Variants in ABHD3 observed in about 807,000 individuals in gnomAD.
The protein encoded by ABHD3 is phospholipase ABHD3.
A neutral mutation model predicts 48.8 loss-of-function variants in ABHD3; 46 were observed. The observed-to-expected ratio is 0.94, with a 90% CI of 0.74 to 1.20. The LOEUF (loss-of-function observed/expected upper bound fraction) is 1.20. ABHD3 is among the 50% of genes most tolerant of loss of function. The probability of loss-of-function intolerance (pLI) is 0.00; values close to 1 mark genes in which losing one functional copy is unlikely to be tolerated. For synonymous variants in ABHD3, 192 were observed against 183.7 expected, an observed-to-expected ratio of 1.04 and a Z score of -0.36; for missense variants, 490 against 497.8, an observed-to-expected ratio of 0.98 and a Z score of 0.15.
intron 3 of ABHD3, among the ~76,000 whole-genome samples, chr18:21,698,103 C>G (rs1287920253): frequency 6.6e-6 from 1 of 152,124 alleles, no homozygotes; most frequent in Non-Finnish European, 1.5e-5. Context: ...ATGGTAACAT[C>G]TATATACTCC....
At chr18:21,699,897 C>T (rs997265836) in intron 3 of ABHD3, among the ~76,000 whole-genome samples, 3 of 152,004 alleles carry the variant, frequency 2.0e-5, no homozygotes, top group Non-Finnish European at 2.9e-5. Context: ...AGGCTAGTCT[C>T]GAACTCCTGA....
intron 4 of ABHD3, among the ~76,000 whole-genome samples, chr18:21,681,386 C>T (rs887683079): frequency 3.9e-5 from 6 of 152,104 alleles, no homozygotes; most frequent in Non-Finnish European, 7.3e-5. Context: ...TCCCACAATA[C>T]GACTAATACT....
chr18:21,685,859 G>A (rs1487296617), intron 3 of ABHD3, among the ~76,000 whole-genome samples: 3 of 152,168 alleles, frequency 2.0e-5, no homozygotes, highest in Non-Finnish European at 4.4e-5. Flanking sequence ...CACCACGCCC[G>A]GCTAATTTTT....
chr18:21,687,202 G>C (rs1020654970), intron 3 of ABHD3, among the ~76,000 whole-genome samples: 1 of 151,756 alleles, frequency 6.6e-6, no homozygotes, highest in Non-Finnish European at 1.5e-5. Flanking sequence ...GAGCCACTGT[G>C]CCCAGCCTGT....
chr18:21,701,991 C>A, intron 3 of ABHD3: 1 of 176,566 alleles, frequency 5.7e-6, no homozygotes, highest in South Asian at 1.5e-4. Context: ...TCTGTAATTG[C>A]TGTTCTCCCT....
intron 4 of ABHD3, among the ~76,000 whole-genome samples, chr18:21,669,843 G>A (rs1042897227): frequency 6.6e-6 from 1 of 152,204 alleles, no homozygotes. Context: ...AACTCCTCTC[G>A]AGTACAGGGC....
chr18:21,682,236 T>C (rs1186067484), intron 4 of ABHD3: 1 of 152,262 alleles, frequency 6.6e-6, no homozygotes, highest in African/African-American at 2.4e-5. Flanking sequence ...TGATACATTC[T>C]ACGGATTACA....
rs1270019898 is a variant in ABHD3, at chr18:21,703,620, G to A, written c.290C>T (p.Pro97Leu). The A allele has an allele frequency of 6.2e-7, 1 of 1,613,990 alleles. No individual in the cohort carries two copies. The highest frequency in any genetic ancestry group is 8.5e-7 in the Non-Finnish European group (1 of 1,179,910). Residue 97 changes from proline (P) to leucine (L), a missense_variant, in exon 2 of 9, where the codon CCT (proline) becomes CTT (leucine). Transcript: ENST00000289119. ...WEGRGQTLLR[P>L]FITSKPPVQY... ...CACCGGGGGCTTCGAAGTGATGAAA[G>A]GTCTAAGCAGGGTCTGTCCTCGACC...
At chr18:21,667,683 T>A (rs940721512) in intron 4 of ABHD3, among the ~76,000 whole-genome samples, 8 of 152,138 alleles carry the variant, frequency 5.3e-5, no homozygotes, top group Admixed American at 2.6e-4. Flanking sequence ...TGGCTAACAT[T>A]TATTGGATCA....
chr18:21,689,379 T>G (rs1167868389), intron 3 of ABHD3, among the ~76,000 whole-genome samples: 3 of 151,622 alleles, frequency 2.0e-5, no homozygotes, highest in Middle Eastern at 3.4e-3. Context: ...TGAAACACTG[T>G]CTCTACTAAA....
chr18:21,688,086 C>A (rs1419810647), intron 3 of ABHD3, among the ~76,000 whole-genome samples: 1 of 152,172 alleles, frequency 6.6e-6, no homozygotes, highest in Non-Finnish European at 1.5e-5. Flanking sequence ...GGTTGCAGTG[C>A]TGTGATCACA....
chr18:21,654,290 T>A (rs575516665), intron 8 of ABHD3, among the ~76,000 whole-genome samples: 1 of 152,164 alleles, frequency 6.6e-6, no homozygotes, highest in Non-Finnish European at 1.5e-5. Flanking sequence ...TAGGGGCAAA[T>A]GAGCTAATTA....
At chr18:21,688,771 G>A (rs752712053) in intron 3 of ABHD3, among the ~76,000 whole-genome samples, 1 of 152,138 alleles carries the variant, frequency 6.6e-6, no homozygotes, top group African/African-American at 2.4e-5. Context: ...TTGAAAAACA[G>A]TAAAGATTCC....
At chr18:21,674,643 C>T (rs2039835199) in intron 4 of ABHD3, among the ~76,000 whole-genome samples, 1 of 152,174 alleles carries the variant, frequency 6.6e-6, no homozygotes, top group African/African-American at 2.4e-5. Context: ...ACACCTACAC[C>T]TGGCTGAGAC....
In ABHD3 at chr18:21,664,113, C is replaced by T. The variant is rs753696806; in HGVS notation, c.668+5G>A. ...AGAGATTATTTTAGAAAGGGAAAAC[C>T]TTACCCTCCCATTGAAACCCCTGCT... On this transcript the variant is annotated splice_donor_5th_base_variant and intron_variant, in intron 5 of 8. Coordinates refer to ENST00000289119, the MANE Select transcript of ABHD3 (RefSeq NM_138340.5). The T allele has an allele frequency of 7.5e-6, 12 of 1,606,504 alleles. No homozygotes were observed. Among genetic ancestry groups the T allele is most frequent in the South Asian group, 5.6e-5 (5 of 89,002 alleles).
At chr18:21,667,976 G>A (rs1183747947) in intron 4 of ABHD3, among the ~76,000 whole-genome samples, 2 of 151,850 alleles carry the variant, frequency 1.3e-5, no homozygotes, top group Non-Finnish European at 2.9e-5. Context: ...TGAGGCTGGT[G>A]GATCACCTGA....
At chr18:21,685,968 G>C (rs890696657) in intron 3 of ABHD3, among the ~76,000 whole-genome samples, 10 of 152,190 alleles carry the variant, frequency 6.6e-5, no homozygotes, top group African/African-American at 2.2e-4. Flanking sequence ...AAAGTGTTGG[G>C]ATTACAGGCG....
At chr18:21,683,843 AAAG>A (rs2040064754) in intron 4 of ABHD3, 74 bp downstream of exon 4, 3 of 1,375,862 alleles carry the variant, frequency 2.2e-6, no homozygotes, top group East Asian at 5.0e-5. Context: ...TTTTAAATAA[AAAG>A]AATATGCTTT....
At chr18:21,678,278 A>G (rs564563345) in intron 4 of ABHD3, among the ~76,000 whole-genome samples, 1 of 152,300 alleles carries the variant, frequency 6.6e-6, no homozygotes, top group South Asian at 2.1e-4. Flanking sequence ...TTGTGAGAAC[A>G]TATATTTTCA....
Sources: gnomAD v4.1 joint callset for allele counts (sites outside exome capture counted in the v4.1 genomes callset) on GRCh38, gnomAD v4.1.1 for gene constraint, MANE v1.5 for transcripts, NCBI Gene and HGNC (gene_info 2026-07-23, HGNC 2026-07-21) for gene names.